HTT: variants seen among roughly 807,000 people sequenced by gnomAD.
HTT encodes huntington disease protein.
HTT carries 104 observed loss-of-function variants against 362.3 expected under a neutral mutation model. The ratio of observed to expected loss-of-function variants is 0.29; its 90% confidence interval spans 0.24 to 0.34. The LOEUF (loss-of-function observed/expected upper bound fraction) is 0.34, where lower values mean the gene tolerates loss of function less well. Among genes scored for constraint, HTT ranks in the 10% least tolerant of loss-of-function variants. The pLI, the probability that HTT is intolerant of heterozygous loss-of-function variation, is 1.00. For missense variants in HTT, 3,301 were observed against 3,928.6 expected (o/e 0.84, Z 4.27); for synonymous variants, 1,577 against 1,548.7 (o/e 1.02, Z -0.43).
intron 2 of HTT, among the ~76,000 whole-genome samples, chr4:3,097,180 A>T (rs1410873407): frequency 6.6e-6 from 1 of 152,234 alleles, no homozygotes; most frequent in African/African-American, 2.4e-5. Context: ...AGTCAGTAAA[A>T]TAGAAAACAA....
chr4:3,136,842 T>C (rs1367841275), intron 21 of HTT, among the ~76,000 whole-genome samples: 2 of 152,196 alleles, frequency 1.3e-5, no homozygotes, highest in Non-Finnish European at 2.9e-5. Flanking sequence ...CAATTACTTA[T>C]TATACATAAA....
At chr4:3,126,350 G>A (rs145781673) in intron 11 of HTT, among the ~76,000 whole-genome samples, 5 of 152,204 alleles carry the variant, frequency 3.3e-5, no homozygotes, top group African/African-American at 1.2e-4. Context: ...CACTGTGCCC[G>A]GCCAGTTACA....
intron 2 of HTT, 62 bp from the exon 3 acceptor site, chr4:3,099,212 T>C (rs1714019964): frequency 8.7e-7 from 1 of 1,154,024 alleles, no homozygotes; most frequent in Non-Finnish European, 1.3e-6. Context: ...GATACCTCAT[T>C]ACATTTCATT....
Position 3,142,802 on chromosome 4 carries a change from A to C in HTT, c.2982A>C (p.Thr994=), listed in dbSNP as rs1484669995. 1 of 1,576,838 alleles carries C rather than the reference A, an allele frequency of 6.3e-7. No individual in the cohort carries two copies. The highest frequency in any genetic ancestry group is 8.7e-7 in the Non-Finnish European group (1 of 1,146,306). ...GCTATAACCTACTACCAAGCATAAC[A>C]GACGTCACTATGGAAAATAACCTTT... ...YRGYNLLPSI[T]DVTMENNLSR... The change falls in exon 23 of 67, where the codon ACA becomes ACC. Residue 994 remains threonine, a synonymous_variant. Transcript: ENST00000355072.
chr4:3,126,978 G>T (rs977283526), intron 11 of HTT, among the ~76,000 whole-genome samples: 3 of 152,324 alleles, frequency 2.0e-5, no homozygotes, highest in Admixed American at 1.3e-4. Flanking sequence ...TCCAGCTAAG[G>T]CTTGGAGTAG....
rs539022907 is a variant in HTT, at chr4:3,105,304, C to G, written c.529-53C>G. The G allele has an allele frequency of 1.4e-5, 17 of 1,183,068 alleles. 1 individual carries two copies. In the South Asian group the frequency reaches 1.7e-4, roughly 12 times the overall value. The allele number at this position is 1,183,068 out of a possible 1,614,324, so 73.3% of individuals were successfully genotyped here. On this transcript the variant is annotated intron_variant, in intron 4 of 66. Transcript: ENST00000355072. The stretch of plus-strand genomic sequence containing the variant: ...GAAAATGCTTCGTTTCTATGCAACC[C>G]TCTTGGTGACTAGTATGTGACTCTT...
intron 64 of HTT, among the ~76,000 whole-genome samples, chr4:3,237,938 A>G (rs1721617897): frequency 6.6e-6 from 1 of 152,236 alleles, no homozygotes; most frequent in South Asian, 2.1e-4. Context: ...GCGTTAGAAC[A>G]CATAGGGATG....
chr4:3,079,273 G>A lies in HTT; in HGVS notation c.263+4185G>A, dbSNP rs1490022550. On this transcript the variant is annotated intron_variant, in intron 1 of 66. Transcript: ENST00000355072. ...TTTTTTTTTTTTTTTTTTTGGGGTT[G>A]GGGGGCAAGGTCTTGCTCTTTAACC... is the stretch of plus-strand genomic sequence containing the variant. Among the ~76,000 whole-genome samples the A allele has an allele frequency of 3.8e-5, 5 of 131,938 alleles. No individual in the cohort carries two copies. The South Asian group carries it at 7.0e-4, about 19-fold the overall frequency. The allele number at this position is 131,938 out of a possible 152,430, so 86.6% of individuals were successfully genotyped here.
At chr4:3,086,782 G>T (rs1330888943) in intron 1 of HTT, among the ~76,000 whole-genome samples, 157 bp from the exon 2 acceptor site, 1 of 152,216 alleles carries the variant, frequency 6.6e-6, no homozygotes, top group Non-Finnish European at 1.5e-5. Flanking sequence ...CGTGCCCTGT[G>T]CTTCCCTGTC....
intron 63 of HTT, 152 bp from the exon 64 acceptor site, chr4:3,235,997 C>T: frequency 2.8e-6 from 2 of 723,240 alleles, no homozygotes; most frequent in African/African-American, 1.7e-5. Flanking sequence ...TCCCATGTGG[C>T]TGAGCTGGGC....
chr4:3,186,837 G>GTTTT, intron 38 of HTT, 118 bp downstream of exon 38: 4 of 380,558 alleles, frequency 1.1e-5, no homozygotes, highest in East Asian at 6.0e-5. Context: ...TTGAGAGTTT[G>GTTTT]CTTTTTTTTT....
At chr4:3,136,186 TAC>T (rs1185082188) in intron 20 of HTT, 38 bp from the exon 21 acceptor site, 1 of 1,390,300 alleles carries the variant, frequency 7.2e-7, no homozygotes, top group Admixed American at 1.8e-5. Context: ...TTTAGTCAAA[TAC>T]AAGATTATGT....
chr4:3,151,954 G>T (rs906504996), intron 26 of HTT, among the ~76,000 whole-genome samples: 5 of 152,044 alleles, frequency 3.3e-5, no homozygotes, highest in South Asian at 2.1e-4. Flanking sequence ...TTGAGATAGG[G>T]TGTCATTCTG....
In HTT at chr4:3,228,849, T is replaced by C; in HGVS notation, c.7980-31T>C. On this transcript the variant is annotated intron_variant, in intron 58 of 66. Transcript: ENST00000355072. The surrounding 1 kb of genome is among the most constrained non-coding windows in gnomAD (Gnocchi z 4.3). Reference sequence around the variant, plus strand: ...GAAATGAGCCTCTCATCTCATGTACTTGGAAAATACCCATCTCGCATATTC... The same window carrying C: ...GAAATGAGCCTCTCATCTCATGTACCTGGAAAATACCCATCTCGCATATTC... 6.3e-7 allele frequency: 1 copy of C among 1,597,630 alleles called. No homozygotes were observed. Among genetic ancestry groups the C allele is most frequent in the Admixed American group, 1.7e-5 (1 of 59,598 alleles).
rs1715888872 is a variant in HTT at position 3,132,828 on chromosome 4, T to C, written c.2410T>C (p.Leu804=). 1.9e-6 allele frequency: 3 copies of C among 1,614,034 alleles called. No homozygotes were observed. The highest frequency in any genetic ancestry group is 4.5e-5 in the East Asian group (2 of 44,894). Residue 804 remains leucine, a synonymous_variant, in exon 18 of 67, where the codon TTG becomes CTG. Transcript: ENST00000355072. ...IRTLTGNTFS[L]ADCIPLLRKT... ...CTTCTGGTTAGGAAATACATTTTCTTTGGCGGATTGCATTCCTTTGCTGCG... is the reference window on the plus strand; with the variant it reads ...CTTCTGGTTAGGAAATACATTTTCTCTGGCGGATTGCATTCCTTTGCTGCG...
intron 2 of HTT, among the ~76,000 whole-genome samples, chr4:3,087,430 C>T (rs1217150896): frequency 6.6e-6 from 1 of 152,190 alleles, no homozygotes; most frequent in Admixed American, 6.5e-5. Context: ...TACCTCTGCT[C>T]CTAGCAGTGG....
intron 57 of HTT, among the ~76,000 whole-genome samples, chr4:3,227,248 ACC>A (rs1720965995): frequency 6.8e-6 from 1 of 147,530 alleles, no homozygotes. Context: ...GTACAGTGCC[ACC>A]CCTGCCCTGT....
At chr4:3,151,534 T>G (rs1381658137) in intron 26 of HTT, among the ~76,000 whole-genome samples, 1 of 152,124 alleles carries the variant, frequency 6.6e-6, no homozygotes, top group Non-Finnish European at 1.5e-5. Context: ...CCTCCGACAC[T>G]GGAGATTACA....
chr4:3,225,623 C>A, intron 56 of HTT, 38 bp from the exon 57 acceptor site: 5 of 1,591,890 alleles, frequency 3.1e-6, no homozygotes, highest in Admixed American at 1.7e-5. Context: ...GCCCTGCCCC[C>A]CTGTGCAGAT....
Sources: allele counts gnomAD v4.1 joint callset (sites outside exome capture counted in the v4.1 genomes callset), GRCh38; gene constraint gnomAD v4.1.1; non-coding constraint Gnocchi (gnomAD v3.1); transcripts MANE v1.5; gene names NCBI Gene and HGNC (gene_info 2026-07-23, HGNC 2026-07-21).